The following INSC variants were observed in gnomAD, a reference collection of about 807,000 sequenced individuals.
INSC encodes the protein protein inscuteable homolog.
INSC carries 67 observed loss-of-function variants against 58.6 expected under a neutral mutation model. The ratio of observed to expected loss-of-function variants is 1.14; its 90% CI spans 0.94 to 1.40. The LOEUF (loss-of-function observed/expected upper bound fraction) is 1.40. Ranked by LOEUF, INSC falls within the 40% of genes most tolerant of loss-of-function variation. The pLI is 0.00. For synonymous variants in INSC, 262 were observed against 276.1 expected (o/e 0.95, Z 0.51); for missense variants, 714 against 692.0 (o/e 1.03, Z -0.36).
chr11:15,215,174 C>T (rs980149019), intron 7 of INSC, among the ~76,000 whole-genome samples: 2 of 152,178 alleles, frequency 1.3e-5, no homozygotes, highest in Admixed American at 6.5e-5. Flanking sequence ...CTTGCATGCC[C>T]GCCCATGAGG....
intron 9 of INSC, among the ~76,000 whole-genome samples, chr11:15,228,899 A>G (rs965292671): frequency 2.6e-5 from 4 of 152,330 alleles, no homozygotes; most frequent in African/African-American, 9.6e-5. Context: ...TATACCCTTC[A>G]GCTAATCCAC....
the INSC span, among the ~76,000 whole-genome samples, chr11:15,256,933 TC>T: frequency 2.0e-5 from 3 of 152,176 alleles, no homozygotes; most frequent in Non-Finnish European, 4.4e-5. Flanking sequence ...TAAATGTCTA[TC>T]CCTTGAGCTT....
At position 15,154,851 on chromosome 11, in the gene INSC, A is replaced by G. The variant is rs1277205991; in HGVS notation, c.56+5621A>G. 2.6e-5 allele frequency among the ~76,000 whole-genome samples: 4 copies of G among 152,174 alleles called. No individual in the cohort carries two copies. In the East Asian group the frequency reaches 5.8e-4, roughly 22 times the overall value. On this transcript the variant is annotated intron_variant, in intron 2 of 12. Coordinates refer to ENST00000379556, the MANE Select transcript of INSC (RefSeq NM_001042536.3). ...CCATGTTAGTGCCACAGGGATAGGA[A>G]AGCAAACCCATTGACTAAAACAAGT... is the stretch of plus-strand genomic sequence containing the variant.
At chr11:15,201,077 A>G (rs936604086) in intron 7 of INSC, 128 bp downstream of exon 7, 20 of 1,185,558 alleles carry the variant, frequency 1.7e-5, no homozygotes, top group Non-Finnish European at 2.3e-5. Flanking sequence ...CCCAGGCACC[A>G]TTCGGATAGG....
chr11:15,239,200 G>GGGCTCAGGGGTGGA (rs1441841162), intron 11 of INSC, 126 bp downstream of exon 11: 2 of 1,186,442 alleles, frequency 1.7e-6, no homozygotes, highest in Admixed American at 2.8e-5. Flanking sequence ...CTGTCTCTGG[G>GGGCTCAGGGGTGGA]GGCTCAGGGG....
rs922969347 is a variant in INSC at position 15,200,865 on chromosome 11, C to T, written c.735C>T (p.Asp245=). The part of the protein sequence containing the change: ...VVALFKVCRQ[D]SFRCLYPQAL... The stretch of plus-strand genomic sequence containing the variant: ...CACTCTTCAAGGTTTGCCGGCAGGA[C>T]AGTTTCCGGTGCTTGTACCCCCAGG... The change falls in exon 7 of 13, where the codon GAC becomes GAT. Residue 245 remains aspartate (D), a synonymous_variant. Coordinates refer to ENST00000379556, the MANE Select transcript of INSC (RefSeq NM_001042536.3). 2.6e-5 allele frequency: 42 copies of T among 1,613,878 alleles called. No individual in the cohort carries two copies. The highest frequency in any genetic ancestry group is 3.6e-5 in the Non-Finnish European group (42 of 1,180,014).
chr11:15,152,537 T>G (rs992028057), intron 2 of INSC, among the ~76,000 whole-genome samples: 2 of 152,198 alleles, frequency 1.3e-5, no homozygotes, highest in African/African-American at 4.8e-5. Flanking sequence ...ATTATATGCA[T>G]TTTCCTTGTT....
At chr11:15,208,870 G>A (rs1444770774) in intron 7 of INSC, among the ~76,000 whole-genome samples, 2 of 152,202 alleles carry the variant, frequency 1.3e-5, no homozygotes, top group Non-Finnish European at 2.9e-5. Context: ...GGCTTCTCCT[G>A]GGGCTGTTGA....
chr11:15,184,563 T>G (rs1849896804), intron 5 of INSC: 1 of 152,942 alleles, frequency 6.5e-6, no homozygotes, highest in African/African-American at 2.4e-5. Context: ...ATCCAGCTAA[T>G]TTTTGTATTT....
At chr11:15,209,918 C>T (rs535896544) in intron 7 of INSC, among the ~76,000 whole-genome samples, 69 of 152,168 alleles carry the variant, frequency 4.5e-4, no homozygotes, top group African/African-American at 1.6e-3. Context: ...TCATAGGGTC[C>T]CTCAATAAGG....
chr11:15,245,690 T>C (rs780169543), intron 12 of INSC, among the ~76,000 whole-genome samples: 1 of 152,206 alleles, frequency 6.6e-6, no homozygotes, highest in Non-Finnish European at 1.5e-5. Flanking sequence ...ATCTTAGTGA[T>C]CAAGGTGCAA....
chr11:15,172,418 A>G (rs1247852538), intron 2 of INSC, among the ~76,000 whole-genome samples: 1 of 152,200 alleles, frequency 6.6e-6, no homozygotes, highest in East Asian at 1.9e-4. Flanking sequence ...ATGGGCATAC[A>G]TTTTCTGAAT....
At chr11:15,235,503 TA>T in intron 9 of INSC, 98 bp from the exon 10 acceptor site, 1 of 900,054 alleles carries the variant, frequency 1.1e-6, no homozygotes, top group Non-Finnish European at 1.9e-6. Flanking sequence ...AGTCACGGGA[TA>T]AAAGGAAGCT....
At chr11:15,197,389 A>C (rs1850411913) in intron 6 of INSC, among the ~76,000 whole-genome samples, 1 of 152,116 alleles carries the variant, frequency 6.6e-6, no homozygotes, top group South Asian at 2.1e-4. Flanking sequence ...TGGGAGACTA[A>C]TTCCTCCCAT....
chr11:15,260,110 C>T, the INSC span, among the ~76,000 whole-genome samples: 1 of 152,140 alleles, frequency 6.6e-6, no homozygotes. Context: ...TTACCCAACC[C>T]AGCCTGCCTG....
downstream of INSC, among the ~76,000 whole-genome samples, chr11:15,251,303 C>G (rs1852647676): frequency 6.6e-6 from 1 of 152,224 alleles, no homozygotes; most frequent in Non-Finnish European, 1.5e-5. Context: ...CTATACAACT[C>G]TTCGAAGTAA....
chr11:15,149,268 C>G (rs1481682267), intron 2 of INSC, 38 bp downstream of exon 2: 2 of 1,458,900 alleles, frequency 1.4e-6, no homozygotes, highest in Non-Finnish European at 1.8e-6. Context: ...CAGGCCTGCC[C>G]CATCTGAACC....
At chr11:15,253,264 G>C in the INSC span, among the ~76,000 whole-genome samples, 13 of 152,174 alleles carry the variant, frequency 8.5e-5, no homozygotes, top group African/African-American at 2.9e-4. Context: ...CAGAAAGTGT[G>C]TAAGTCTAAT....
upstream of INSC, among the ~76,000 whole-genome samples, chr11:15,114,509 G>A (rs555283412): frequency 1.6e-4 from 25 of 152,266 alleles, no homozygotes; most frequent in South Asian, 8.3e-4. Context: ...AGCTCCAAGG[G>A]AAACGATCGC....
Sources: allele counts gnomAD v4.1 joint callset (sites outside exome capture counted in the v4.1 genomes callset), GRCh38; gene constraint gnomAD v4.1.1; transcripts MANE v1.5; gene names NCBI Gene and HGNC (gene_info 2026-07-23, HGNC 2026-07-21).